MYO5B: variants seen among roughly 807,000 people sequenced by gnomAD.
MYO5B encodes unconventional myosin-Vb.
A neutral mutation model predicts 229.3 loss-of-function variants in MYO5B; 143 were observed. That is an observed-to-expected ratio of 0.62 (90% CI 0.54 to 0.72). The LOEUF is 0.72. Ranked by LOEUF, MYO5B falls within the 30% of genes least tolerant of loss-of-function variation. MYO5B has a pLI of 0.00. For synonymous variants in MYO5B, 918 were observed against 885.2 expected (o/e 1.04, Z -0.66); for missense variants, 2,321 against 2,331.0 (o/e 1.00, Z 0.09).
intron 1 of MYO5B, among the ~76,000 whole-genome samples, chr18:50,138,420 G>C (rs768682973): frequency 1.3e-5 from 2 of 152,136 alleles, no homozygotes; most frequent in African/African-American, 2.4e-5. Context: ...AATTTGGGGG[G>C]GGTGGCAGGA....
intron 11 of MYO5B, 91 bp downstream of exon 11, chr18:49,962,858 A>C: frequency 8.9e-7 from 1 of 1,123,690 alleles, no homozygotes; most frequent in Non-Finnish European, 1.4e-6. Context: ...GCCAGGGCCC[A>C]CCCACCTCAG....
chr18:49,985,754 C>G (rs781544026), intron 7 of MYO5B, among the ~76,000 whole-genome samples: 3 of 152,110 alleles, frequency 2.0e-5, no homozygotes, highest in Non-Finnish European at 2.9e-5. Flanking sequence ...TCCCTGAAAA[C>G]CCTAAGTTCT....
rs528917081 is a variant in MYO5B, at chr18:49,827,584, A to C, written c.5395-961T>G. ...CCGCAGACTTGAGCAGGCAGAAGAA[A>C]ATCAGTGAATTTGAAGATAAAGCAA... is the stretch of plus-strand genomic sequence containing the variant. On this transcript the variant is annotated intron_variant, in intron 39 of 39. Transcript: ENST00000285039. 5.3e-5 allele frequency among the ~76,000 whole-genome samples: 8 copies of C among 152,286 alleles called. No individual in the cohort carries two copies. The South Asian group carries it at 8.3e-4, about 16-fold the overall frequency.
At chr18:50,160,180 G>A (rs1429415832) in intron 1 of MYO5B, among the ~76,000 whole-genome samples, 3 of 152,362 alleles carry the variant, frequency 2.0e-5, no homozygotes, top group East Asian at 1.9e-4. Flanking sequence ...GGGGCTGCCC[G>A]GGTGCACCTA....
rs554058522 is a variant in MYO5B, at chr18:50,166,612, A to C, written c.27+28155T>G. ...AAGCTCATTGAAAAAGTAAAATTTA[A>C]GCTGCATAGTACACAAAATAAAAAG... On this transcript the variant is annotated intron_variant, in intron 1 of 39. Transcript: ENST00000285039. Among the ~76,000 whole-genome samples, 34 of 152,370 alleles carry C rather than the reference A, an allele frequency of 2.2e-4. 1 individual carries two copies. In the South Asian group the frequency reaches 7.0e-3, roughly 32 times the overall value.
chr18:50,180,344 A>G lies in MYO5B; in HGVS notation c.27+14423T>C, dbSNP rs2033055305. 2.0e-5 allele frequency among the ~76,000 whole-genome samples: 3 copies of G among 152,128 alleles called. No homozygotes were observed. In the South Asian group the frequency reaches 6.2e-4, roughly 32 times the overall value. On this transcript the variant is annotated intron_variant, in intron 1 of 39. Transcript: ENST00000285039. ...GTTCACACATTACCTCATTTCATCAACAAGCCTGAGGGGTGTCCTAGACTC... is the reference window on the plus strand; with the variant it reads ...GTTCACACATTACCTCATTTCATCAGCAAGCCTGAGGGGTGTCCTAGACTC...
chr18:49,931,752 T>A (rs1310015882), intron 16 of MYO5B, among the ~76,000 whole-genome samples: 1 of 152,200 alleles, frequency 6.6e-6, no homozygotes, highest in African/African-American at 2.4e-5. Context: ...GCCTTCGGGC[T>A]GCGGGCTCCC....
At chr18:49,908,450 T>A (rs2024924070) in intron 18 of MYO5B, among the ~76,000 whole-genome samples, 1 of 152,188 alleles carries the variant, frequency 6.6e-6, no homozygotes, top group Admixed American at 6.5e-5. Flanking sequence ...TCACAGATGA[T>A]AAAACTGAAG....
chr18:49,836,265 G>T (rs887152587), intron 38 of MYO5B, among the ~76,000 whole-genome samples: 1 of 152,172 alleles, frequency 6.6e-6, no homozygotes. Context: ...ATAAATGAGT[G>T]TGAGTGAAAA....
Position 49,929,735 on chromosome 18 carries a change from C to G in MYO5B, c.2004-137G>C, listed in dbSNP as rs558838951. ...ACTGAGTTACAGCCACTGAGTTACC[C>G]TTGAGCTCAAGTCAGGGATTAGGCA... On this transcript the variant is annotated intron_variant, in intron 16 of 39. Transcript: ENST00000285039. 8 of 782,106 alleles carry G rather than the reference C, an allele frequency of 1.0e-5. No individual in the cohort carries two copies. The East Asian group carries it at 2.1e-4, about 21-fold the overall frequency. The allele number at this position is 782,106 out of a possible 1,614,324, so 48.4% of individuals were successfully genotyped here. A position where few individuals can be genotyped will look rare whatever the true frequency, so the allele number is the denominator to read the frequency against.
rs180970449 is a variant in MYO5B at position 49,900,329 on chromosome 18, C to T, written c.2811+2265G>A. Among the ~76,000 whole-genome samples the T allele has an allele frequency of 4.2e-3, 642 of 152,362 alleles. 5 individuals carry two copies. Among genetic ancestry groups the T allele is most frequent in the African/African-American group, 0.014 (600 of 41,580 alleles). On this transcript the variant is annotated intron_variant, in intron 21 of 39. Coordinates refer to ENST00000285039, the MANE Select transcript of MYO5B (RefSeq NM_001080467.3). ...CCTCTGAGTGGATGTGCCCTCCTCC[C>T]TGACCTGGTGTATCACAGCAGGCTG...
At chr18:49,828,123 G>A (rs1461790171) in intron 39 of MYO5B, among the ~76,000 whole-genome samples, 1 of 152,252 alleles carries the variant, frequency 6.6e-6, no homozygotes, top group African/African-American at 2.4e-5. Context: ...TCTGTGGTTG[G>A]CTGAATCTGC....
chr18:49,862,346 G>T (rs568167129), intron 29 of MYO5B, among the ~76,000 whole-genome samples: 36 of 152,260 alleles, frequency 2.4e-4, no homozygotes, highest in Non-Finnish European at 4.3e-4. Context: ...GGAAGCAGAT[G>T]ATAACAACAG....
chr18:49,895,256 G>C, intron 21 of MYO5B, 82 bp from the exon 22 acceptor site: 1 of 1,231,008 alleles, frequency 8.1e-7, no homozygotes, highest in Non-Finnish European at 1.2e-6. Context: ...AAAGCATGAA[G>C]GCAATCAAAA....
chr18:50,010,744 A>G (rs1318001679), intron 4 of MYO5B, among the ~76,000 whole-genome samples: 1 of 152,214 alleles, frequency 6.6e-6, no homozygotes, highest in Non-Finnish European at 1.5e-5. Flanking sequence ...GAACTATGAT[A>G]TACACATATA....
At position 50,195,029 on chromosome 18, in the gene MYO5B, C is replaced by T. The variant is rs1440105109; in HGVS notation, c.-236G>A. ...TACGGCCGGACAGGAGTTGCGAGCG[C>T]CGGGGGAGGAGGCCGCGCCGCACCA... is the stretch of plus-strand genomic sequence containing the variant. On this transcript the variant is annotated 5_prime_UTR_variant, in exon 1 of 40. Transcript: ENST00000285039. 2 of 425,300 alleles carry T rather than the reference C, an allele frequency of 4.7e-6. No individual in the cohort carries two copies. Among genetic ancestry groups the T allele is most frequent in the African/African-American group, 2.1e-5 (1 of 48,140 alleles). 26.3% of individuals were successfully genotyped at this position (425,300 alleles called of 1,614,324 possible).
intron 39 of MYO5B, among the ~76,000 whole-genome samples, chr18:49,830,147 A>G (rs1426354503): frequency 1.1e-5 from 1 of 91,904 alleles, no homozygotes; most frequent in African/African-American, 3.3e-5. Flanking sequence ...GAAAGAATCC[A>G]CACACACACA....
intron 1 of MYO5B, among the ~76,000 whole-genome samples, chr18:50,084,450 A>G (rs926929940): frequency 6.6e-6 from 1 of 152,208 alleles, no homozygotes; most frequent in Non-Finnish European, 1.5e-5. Context: ...TCGCTGAGGC[A>G]TCAATTGTTT....
Position 50,014,168 on chromosome 18 carries a change from C to T in MYO5B, c.456-12757G>A, listed in dbSNP as rs1009209584. Among the ~76,000 whole-genome samples, 5 of 150,894 alleles carry T rather than the reference C, an allele frequency of 3.3e-5. No homozygotes were observed. In the South Asian group the frequency reaches 1.0e-3, roughly 32 times the overall value. On this transcript the variant is annotated intron_variant, in intron 4 of 39. Coordinates refer to ENST00000285039, the MANE Select transcript of MYO5B (RefSeq NM_001080467.3). ...AGAGAAACCCGGGGTCCAAAGGGCT[C>T]ACAGTTAAGAGAAGCAGTAGCAGAA... is the stretch of plus-strand genomic sequence containing the variant.
Sources: gnomAD v4.1 joint callset for allele counts (sites outside exome capture counted in the v4.1 genomes callset) on GRCh38, gnomAD v4.1.1 for gene constraint, MANE v1.5 for transcripts, NCBI Gene and HGNC (gene_info 2026-07-23, HGNC 2026-07-21) for gene names.